NAA60: variants seen among roughly 807,000 people sequenced by gnomAD.
The protein encoded by NAA60 is N-alpha-acetyltransferase 60, NatF catalytic subunit, also known as N-alpha-acetyltransferase 60.
NAA60 carries 8 observed loss-of-function variants against 26.1 expected under a neutral mutation model. The ratio of observed to expected loss-of-function variants is 0.31; its 90% CI spans 0.18 to 0.55. The LOEUF (loss-of-function observed/expected upper bound fraction) is 0.55. Among genes scored for constraint, NAA60 ranks in the 20% least tolerant of loss-of-function variants. The pLI is 0.93. For missense variants in NAA60, 290 were observed against 311.3 expected, an observed-to-expected ratio of 0.93 and a Z score of 0.51; for synonymous variants, 131 against 122.5, an observed-to-expected ratio of 1.07 and a Z score of -0.46.
At chr16:3,456,390 C>A (rs933117212) in intron 2 of NAA60, among the ~76,000 whole-genome samples, 11 of 152,034 alleles carry the variant, frequency 7.2e-5, no homozygotes, top group African/African-American at 2.7e-4. Context: ...CCCACGGCAT[C>A]CATCTTCTAG....
chr16:3,471,045 C>T (rs1053503917), intron 2 of NAA60, among the ~76,000 whole-genome samples: 1 of 152,106 alleles, frequency 6.6e-6, no homozygotes, highest in Non-Finnish European at 1.5e-5. Flanking sequence ...ATCCGCAGAT[C>T]GTTGTGTATC....
chr16:3,475,418 C>G (rs1055977893), intron 2 of NAA60, among the ~76,000 whole-genome samples: 2 of 151,950 alleles, frequency 1.3e-5, no homozygotes, highest in African/African-American at 4.8e-5. Context: ...GACTAATTTC[C>G]AACTTAAAGA....
At chr16:3,482,468 G>T in intron 4 of NAA60, 34 bp from the exon 5 acceptor site, 1 of 1,537,660 alleles carries the variant, frequency 6.5e-7, no homozygotes, top group South Asian at 1.2e-5. Context: ...CACCAGACGT[G>T]TGAGCCTGAC....
intron 4 of NAA60, among the ~76,000 whole-genome samples, chr16:3,480,634 A>G (rs1173317467): frequency 6.8e-6 from 1 of 147,166 alleles, no homozygotes; most frequent in African/African-American, 2.5e-5. Context: ...AAGTTAGAGA[A>G]GGCCTGGGCA....
chr16:3,473,574 G>C (rs2036284545), intron 2 of NAA60, among the ~76,000 whole-genome samples: 2 of 152,160 alleles, frequency 1.3e-5, no homozygotes, highest in Non-Finnish European at 2.9e-5. Flanking sequence ...GAGGGACAGA[G>C]CCAAACCATA....
chr16:3,469,682 C>G (rs2036002949), intron 2 of NAA60, among the ~76,000 whole-genome samples: 1 of 152,226 alleles, frequency 6.6e-6, no homozygotes, highest in Non-Finnish European at 1.5e-5. Context: ...CGGGGCCTGT[C>G]TCTGACTTTG....
intron 2 of NAA60, among the ~76,000 whole-genome samples, chr16:3,471,382 G>A (rs569811884): frequency 2.0e-5 from 3 of 152,036 alleles, no homozygotes; most frequent in Non-Finnish European, 2.9e-5. Context: ...AGGCCCCTGT[G>A]GTCTCAGCTA....
At chr16:3,463,551 T>TAAAAAAAAAAAA (rs71133639) in intron 2 of NAA60, among the ~76,000 whole-genome samples, 1 of 113,924 alleles carries the variant, frequency 8.8e-6, no homozygotes, top group Non-Finnish European at 1.7e-5. Context: ...GACCCTGTGT[T>TAAAAAAAAAAAA]AAAAAAAAAA....
intron 2 of NAA60, 192 bp from the exon 3 acceptor site, chr16:3,476,030 C>G (rs2151003475): frequency 1.8e-6 from 1 of 570,674 alleles, no homozygotes; most frequent in East Asian, 3.0e-5. Context: ...GGGCCTGGGT[C>G]TTCCCAGCGA....
rs779894514 is a variant in NAA60 at position 3,482,476 on chromosome 16, G to A, written c.241-26G>A. 26 of 1,563,514 alleles carry A rather than the reference G, an allele frequency of 1.7e-5. No individual in the cohort carries two copies. In the South Asian group the frequency reaches 2.2e-4, roughly 13 times the overall value. ...AGCCGTGCACCAGACGTGTGAGCCT[G>A]ACTTTCTCTCTGACTCTTCCTCTAG... is the stretch of plus-strand genomic sequence containing the variant. On this transcript the variant is annotated intron_variant, in intron 4 of 7. Coordinates refer to ENST00000407558, the MANE Select transcript of NAA60 (RefSeq NM_001083601.3).
At chr16:3,461,819 T>C (rs2035414361) in intron 2 of NAA60, among the ~76,000 whole-genome samples, 1 of 152,160 alleles carries the variant, frequency 6.6e-6, no homozygotes, top group Non-Finnish European at 1.5e-5. Context: ...AAAAATATTC[T>C]TGGCCAGGCA....
At chr16:3,477,440 C>T (rs1405026905) in intron 3 of NAA60, among the ~76,000 whole-genome samples, 2 of 152,200 alleles carry the variant, frequency 1.3e-5, no homozygotes, top group East Asian at 1.9e-4. Context: ...GACCCCTGTG[C>T]GTCTTTGTGG....
chr16:3,466,157 C>A (rs77529657), intron 2 of NAA60, among the ~76,000 whole-genome samples: 1,599 of 152,318 alleles, frequency 0.01, 15 homozygotes, highest in Non-Finnish European at 0.014. Context: ...GTGCCAGCAC[C>A]GGCAATTTGT....
intron 4 of NAA60, among the ~76,000 whole-genome samples, chr16:3,481,091 A>C (rs1596356695): frequency 6.6e-6 from 1 of 151,920 alleles, no homozygotes; most frequent in South Asian, 2.1e-4. Context: ...GCTAAGATGT[A>C]GCAGAAAGCA....
At chr16:3,484,501 C>T in intron 6 of NAA60, 198 bp from the exon 7 acceptor site, 2 of 661,078 alleles carry the variant, frequency 3.0e-6, no homozygotes, top group Middle Eastern at 4.2e-4. Context: ...CAGACCCCAC[C>T]CTCTGTTGTT....
intron 2 of NAA60, among the ~76,000 whole-genome samples, chr16:3,475,449 C>A (rs2036419906): frequency 6.6e-6 from 1 of 152,102 alleles, no homozygotes; most frequent in Non-Finnish European, 1.5e-5. Context: ...CTGTTTTCCC[C>A]TTCTCGGTGC....
rs2037115217 is a variant in NAA60 at position 3,485,666 on chromosome 16, G to A, written c.*406G>A. Reference sequence around the variant, plus strand: ...AGCTGGAGGGGACTTTCTCCTGCAAGGGAGGAACGCAAGTATTATGGACAC... The same window carrying A: ...AGCTGGAGGGGACTTTCTCCTGCAAAGGAGGAACGCAAGTATTATGGACAC... On this transcript the variant is annotated 3_prime_UTR_variant, in exon 8 of 8. Coordinates refer to ENST00000407558, the MANE Select transcript of NAA60 (RefSeq NM_001083601.3). 4.4e-6 allele frequency: 2 copies of A among 456,582 alleles called. No individual in the cohort carries two copies. The highest frequency in any genetic ancestry group is 8.8e-6 in the Non-Finnish European group (2 of 226,956). The allele number at this position is 456,582 out of a possible 1,614,324, so 28.3% of individuals were successfully genotyped here. A position where few individuals can be genotyped will look rare whatever the true frequency, so the allele number is the denominator to read the frequency against.
At chr16:3,473,360 A>G (rs934420455) in intron 2 of NAA60, among the ~76,000 whole-genome samples, 1 of 152,202 alleles carries the variant, frequency 6.6e-6, no homozygotes, top group Non-Finnish European at 1.5e-5. Context: ...GGCAAAAGTC[A>G]CGTCTTACAT....
intron 2 of NAA60, 35 bp downstream of exon 2, chr16:3,448,575 A>G: frequency 6.6e-7 from 1 of 1,506,128 alleles, no homozygotes; most frequent in Non-Finnish European, 8.9e-7. Flanking sequence ...GCTATTAATG[A>G]TGCCCTCATA....
Sources: gnomAD v4.1 joint callset for allele counts (sites outside exome capture counted in the v4.1 genomes callset) on GRCh38, gnomAD v4.1.1 for gene constraint, MANE v1.5 for transcripts, NCBI Gene and HGNC (gene_info 2026-07-23, HGNC 2026-07-21) for gene names.